The following TECPR2 variants were observed in gnomAD, a reference collection of about 807,000 sequenced individuals.
TECPR2 encodes tectonin beta-propeller repeat containing 2.
Under a neutral mutation model 138.1 loss-of-function variants are expected in TECPR2, and 65 were observed. That is an observed-to-expected ratio of 0.47 (90% CI 0.39 to 0.58). The LOEUF (loss-of-function observed/expected upper bound fraction) is 0.58, where lower values mean the gene tolerates loss of function less well. TECPR2 is among the 20% of genes least tolerant of loss of function. The pLI, the probability that TECPR2 is intolerant of heterozygous loss-of-function variation, is 0.00. For synonymous variants in TECPR2, 746 were observed against 749.8 expected, an observed-to-expected ratio of 0.99 and a Z score of 0.08; for missense variants, 1,553 against 1,824.5, an observed-to-expected ratio of 0.85 and a Z score of 2.71.
intron 1 of TECPR2, among the ~76,000 whole-genome samples, chr14:102,370,488 G>C (rs1887473235): frequency 6.6e-6 from 1 of 152,196 alleles, no homozygotes; most frequent in Non-Finnish European, 1.5e-5. Flanking sequence ...GAAAGTGCCT[G>C]CCAGAGATAG....
In TECPR2 at chr14:102,476,977, A is replaced by T. The variant is rs560327479; in HGVS notation, c.3789+11688A>T. Reference sequence around the variant, plus strand: ...AGGATCCCTTGAGCCCAGGAGGCAGAGGCTGCAGTGAGCCATGATGGCTGC... The same window carrying T: ...AGGATCCCTTGAGCCCAGGAGGCAGTGGCTGCAGTGAGCCATGATGGCTGC... On this transcript the variant is annotated intron_variant, in intron 17 of 19. Transcript: ENST00000359520. 4.3e-4 allele frequency among the ~76,000 whole-genome samples: 65 copies of T among 152,344 alleles called. 2 individuals are homozygous for T. Among genetic ancestry groups the T allele is most frequent in the African/African-American group, 1.6e-3 (65 of 41,586 alleles).
intron 2 of TECPR2, among the ~76,000 whole-genome samples, chr14:102,400,361 C>T (rs1035929549): frequency 2.0e-5 from 3 of 152,036 alleles, no homozygotes; most frequent in Non-Finnish European, 4.4e-5. Flanking sequence ...TTGTTTTCTA[C>T]ATAATTTAAA....
chr14:102,419,212 G>A lies in TECPR2; in HGVS notation c.638+4419G>A, dbSNP rs904456668. On this transcript the variant is annotated intron_variant, in intron 5 of 19. Transcript: ENST00000359520. This position sits in a 1 kb window ranked among gnomAD's most constrained non-coding sequence, Gnocchi z 4.8. The stretch of plus-strand genomic sequence containing the variant: ...GGGACATAGCAGCTGCTGCGAGACC[G>A]GGGGCTGAGGCAGCTTCGACGGGCC... Among the ~76,000 whole-genome samples, 3 of 152,102 alleles carry A rather than the reference G, an allele frequency of 2.0e-5. No individual in the cohort carries two copies. Among genetic ancestry groups the A allele is most frequent in the South Asian group, 4.1e-4 (2 of 4,820 alleles).
At chr14:102,494,948 C>T (rs1397336018) in intron 17 of TECPR2, among the ~76,000 whole-genome samples, 2 of 152,156 alleles carry the variant, frequency 1.3e-5, no homozygotes, top group African/African-American at 4.8e-5. Flanking sequence ...CACGGTGGCT[C>T]ACGCCTGTAA....
intron 8 of TECPR2, among the ~76,000 whole-genome samples, chr14:102,433,695 T>C (rs1889575613): frequency 6.6e-6 from 1 of 151,940 alleles, no homozygotes. Flanking sequence ...TAAGTTTTTG[T>C]ATTTTTAGTA....
intron 5 of TECPR2, 126 bp from the exon 6 acceptor site, chr14:102,424,853 T>C: frequency 1.0e-6 from 1 of 954,372 alleles, no homozygotes; most frequent in Non-Finnish European, 1.5e-6. Context: ...GTAGAAAGGG[T>C]GAAAAATCAA....
At chr14:102,425,692 C>T (rs1889299871) in intron 6 of TECPR2, among the ~76,000 whole-genome samples, 1 of 151,932 alleles carries the variant, frequency 6.6e-6, no homozygotes, top group African/African-American at 2.4e-5. Context: ...TCTCCTGCCT[C>T]AGCCTCCTGA....
chr14:102,495,520 G>A (rs568866585), intron 17 of TECPR2, among the ~76,000 whole-genome samples: 2 of 152,362 alleles, frequency 1.3e-5, no homozygotes, highest in South Asian at 4.1e-4. Flanking sequence ...GGAAGGGAGG[G>A]GAGAGGCCTG....
In TECPR2 at chr14:102,498,989, C is replaced by CGCACG. The variant is rs1567367327; in HGVS notation, c.*736_*737insGGCAC. ...CCACACAACACACCACACCCCACAC[C>CGCACG]GCACTGCACCGCACCGCACCGCACC... On this transcript the variant is annotated 3_prime_UTR_variant, in exon 20 of 20. Transcript: ENST00000359520. 1.4e-6 allele frequency: 1 copy of CGCACG among 697,534 alleles called. No individual in the cohort carries two copies. Among genetic ancestry groups the CGCACG allele is most frequent in the Non-Finnish European group, 2.6e-6 (1 of 383,026 alleles). 43.2% of individuals were successfully genotyped at this position (697,534 alleles called of 1,614,324 possible).
intron 1 of TECPR2, among the ~76,000 whole-genome samples, chr14:102,368,411 G>T (rs1278470502): frequency 6.6e-6 from 1 of 152,102 alleles, no homozygotes; most frequent in Non-Finnish European, 1.5e-5. Flanking sequence ...TTGCTGTGTT[G>T]ATCAGGCTGG....
At chr14:102,454,070 T>A (rs1387672175) in intron 16 of TECPR2, among the ~76,000 whole-genome samples, 1 of 151,958 alleles carries the variant, frequency 6.6e-6, no homozygotes, top group East Asian at 1.9e-4. Flanking sequence ...CGAGAATCAC[T>A]TGAACTTGGT....
At chr14:102,495,772 G>A (rs1891263561) in intron 17 of TECPR2, among the ~76,000 whole-genome samples, 1 of 152,264 alleles carries the variant, frequency 6.6e-6, no homozygotes, top group African/African-American at 2.4e-5. Flanking sequence ...GGGCTGAGGT[G>A]TGAGACTTGG....
chr14:102,392,424 C>G (rs929359957), intron 2 of TECPR2, among the ~76,000 whole-genome samples: 2 of 152,010 alleles, frequency 1.3e-5, no homozygotes. Context: ...TCATCTAGTT[C>G]AATACTTTTT....
chr14:102,405,598 A>G (rs1888637383), intron 2 of TECPR2, among the ~76,000 whole-genome samples: 1 of 152,250 alleles, frequency 6.6e-6, no homozygotes, highest in Non-Finnish European at 1.5e-5. Flanking sequence ...AGCCAATACT[A>G]GAAAACAGTA....
At chr14:102,410,934 C>T (rs1271173831) in intron 4 of TECPR2, among the ~76,000 whole-genome samples, 1 of 152,298 alleles carries the variant, frequency 6.6e-6, no homozygotes, top group Non-Finnish European at 1.5e-5. Context: ...CTTAGGCACT[C>T]TCTAATCAGA....
intron 17 of TECPR2, among the ~76,000 whole-genome samples, chr14:102,473,280 A>G (rs956545694): frequency 1.3e-5 from 2 of 152,236 alleles, no homozygotes; most frequent in Non-Finnish European, 2.9e-5. Flanking sequence ...TTTTAGGACA[A>G]AGCCTACACA....
rs77401878 is a variant in TECPR2 at position 102,406,256 on chromosome 14, T to A, written c.220-1082T>A. 2.3e-3 allele frequency among the ~76,000 whole-genome samples: 349 copies of A among 152,228 alleles called. 12 individuals carry two copies. The East Asian group carries it at 0.047, about 21-fold the overall frequency. On this transcript the variant is annotated intron_variant, in intron 2 of 19. Transcript: ENST00000359520. The stretch of plus-strand genomic sequence containing the variant: ...TATGTGTATTTTAACATTAAAAAAT[T>A]GGGGGATGAGGGCTGGGCATGGTGG...
chr14:102,451,051 G>A (rs987740822), intron 15 of TECPR2, among the ~76,000 whole-genome samples: 1 of 152,156 alleles, frequency 6.6e-6, no homozygotes, highest in African/African-American at 2.4e-5. Flanking sequence ...CACAGCCTCC[G>A]GATAACCTAA....
At chr14:102,390,083 G>T (rs1026421202) in intron 2 of TECPR2, among the ~76,000 whole-genome samples, 1 of 152,176 alleles carries the variant, frequency 6.6e-6, no homozygotes, top group Non-Finnish European at 1.5e-5. Context: ...TCTACTGAAG[G>T]TTAAGCTTTG....
Sources: allele counts gnomAD v4.1 joint callset (sites outside exome capture counted in the v4.1 genomes callset), GRCh38; gene constraint gnomAD v4.1.1; non-coding constraint Gnocchi (gnomAD v3.1); transcripts MANE v1.5; gene names NCBI Gene and HGNC (gene_info 2026-07-23, HGNC 2026-07-21).